FAAH2: variants seen among roughly 807,000 people sequenced by gnomAD.
FAAH2 encodes the protein fatty acid amide hydrolase 2.
FAAH2 carries 60 observed loss-of-function variants against 36.9 expected under a neutral mutation model. That is an observed-to-expected ratio of 1.63 (90% CI 1.32 to 2.02). The LOEUF is 2.02. Among genes scored for constraint, FAAH2 ranks in the 30% most tolerant of loss-of-function variants. FAAH2 has a pLI of 0.00. For missense variants in FAAH2, 689 were observed against 397.5 expected (o/e 1.73, Z -6.23); for synonymous variants, 214 against 143.8 (o/e 1.49, Z -3.49).
chrX:57,311,816 T>C (rs1001898668), intron 3 of FAAH2, among the ~76,000 whole-genome samples: 3 of 111,811 alleles, frequency 2.7e-5, no homozygotes, highest in Non-Finnish European at 5.6e-5. Flanking sequence ...CTGGAGCATA[T>C]TGGATCCCCT....
At chrX:57,187,695 C>T in the FAAH2 span, among the ~76,000 whole-genome samples, 6 of 110,942 alleles carry the variant, frequency 5.4e-5, no homozygotes, top group African/African-American at 2.0e-4. Flanking sequence ...TGATATTGGC[C>T]ATGGGTTTGT....
chrX:57,461,224 C>A (rs192320669), intron 10 of FAAH2, among the ~76,000 whole-genome samples: 242 of 111,120 alleles, frequency 2.2e-3, no homozygotes, highest in African/African-American at 7.2e-3. Context: ...TAACACCCAA[C>A]TGTCAATATT....
At chrX:57,332,774 G>A (rs893665671) in intron 4 of FAAH2, among the ~76,000 whole-genome samples, 1 of 111,839 alleles carries the variant, frequency 8.9e-6, no homozygotes, top group South Asian at 3.7e-4. Flanking sequence ...TTCTTGCACA[G>A]GGAGGGAAAA....
chrX:57,159,205 G>A, the FAAH2 span, among the ~76,000 whole-genome samples: 2 of 111,691 alleles, frequency 1.8e-5, no homozygotes, highest in Admixed American at 9.5e-5. Context: ...CTATATCTCT[G>A]TTTTGGTACC....
chrX:57,369,661 A>G (rs1042720848), intron 5 of FAAH2, among the ~76,000 whole-genome samples: 5 of 111,856 alleles, frequency 4.5e-5, no homozygotes, highest in African/African-American at 1.6e-4. Flanking sequence ...CCTGACAAAC[A>G]AAAGTTGAGG....
Position 57,433,069 on chromosome X carries a change from A to G in FAAH2, c.1116+1032A>G, listed in dbSNP as rs2056338694. On this transcript the variant is annotated intron_variant, in intron 8 of 10. Coordinates refer to ENST00000374900, the MANE Select transcript of FAAH2 (RefSeq NM_174912.4). ...CAGAACAAAACGTTTATACAAATTCACAAGGGGAGGAGGTTTGGCTCTGAG... is the reference window on the plus strand; with the variant it reads ...CAGAACAAAACGTTTATACAAATTCGCAAGGGGAGGAGGTTTGGCTCTGAG... 2.7e-5 allele frequency among the ~76,000 whole-genome samples: 3 copies of G among 111,320 alleles called. No homozygotes were observed. The South Asian group carries it at 1.1e-3, about 42-fold the overall frequency.
chrX:57,411,239 G>C (rs1334126332), intron 7 of FAAH2, among the ~76,000 whole-genome samples: 1 of 112,025 alleles, frequency 8.9e-6, no homozygotes, highest in African/African-American at 3.2e-5. Context: ...CTGGTGCTCT[G>C]ACCATCCCAT....
the FAAH2 span, among the ~76,000 whole-genome samples, chrX:57,182,375 T>C: frequency 1.8e-5 from 2 of 111,378 alleles, no homozygotes; most frequent in African/African-American, 6.5e-5. Context: ...CTTAAACAAA[T>C]TTACAAGAAA....
the FAAH2 span, among the ~76,000 whole-genome samples, chrX:57,149,014 A>T: frequency 8.9e-6 from 1 of 112,064 alleles, no homozygotes; most frequent in Non-Finnish European, 1.9e-5. Flanking sequence ...CTATTGAGAT[A>T]ATCATGTGGT....
chrX:57,388,939 CTT>C lies in FAAH2; in HGVS notation c.996+7914_996+7915del, dbSNP rs2055094240. 2.7e-5 allele frequency among the ~76,000 whole-genome samples: 3 copies of C among 109,880 alleles called. No individual in the cohort carries two copies. In the South Asian group the frequency reaches 1.2e-3, roughly 43 times the overall value. On this transcript the variant is annotated intron_variant, in intron 7 of 10. Transcript: ENST00000374900. ...CATGTCTTTTCGTGGCTTGGTAACT[CTT>C]TTTATCTCTGAATAATATTTCATTT...
the FAAH2 span, among the ~76,000 whole-genome samples, chrX:57,130,694 A>G: frequency 1.8e-5 from 2 of 112,043 alleles, no homozygotes; most frequent in Admixed American, 1.9e-4. Flanking sequence ...AGGCAAGAAG[A>G]TTTTAGGGGA....
chrX:57,143,410 C>T, the FAAH2 span, among the ~76,000 whole-genome samples: 1 of 110,510 alleles, frequency 9.0e-6, no homozygotes, highest in Non-Finnish European at 1.9e-5. Flanking sequence ...TTAACTCCAT[C>T]CCCCCTTACG....
At chrX:57,252,036 A>G in the FAAH2 span, among the ~76,000 whole-genome samples, 1 of 112,448 alleles carries the variant, frequency 8.9e-6, no homozygotes, top group Admixed American at 9.3e-5. Context: ...CAACCAACAG[A>G]CCAGGAGATT....
chrX:57,157,623 C>T, the FAAH2 span, among the ~76,000 whole-genome samples: 1 of 111,104 alleles, frequency 9.0e-6, no homozygotes, highest in African/African-American at 3.3e-5. Context: ...TGAGACTGTC[C>T]TTTCTATCCT....
At chrX:57,370,319 C>T (rs1023090330) in intron 5 of FAAH2, among the ~76,000 whole-genome samples, 1 of 111,228 alleles carries the variant, frequency 9.0e-6, no homozygotes, top group South Asian at 3.8e-4. Context: ...CTGTATGCTG[C>T]CCATGAGAGA....
intron 2 of FAAH2, among the ~76,000 whole-genome samples, chrX:57,297,395 G>T (rs1469744326): frequency 1.8e-5 from 2 of 110,674 alleles, no homozygotes; most frequent in African/African-American, 6.6e-5. Context: ...TTACAGACAA[G>T]CAAATGCTGA....
chrX:57,310,302 ATAAT>A (rs1005357869), intron 2 of FAAH2, among the ~76,000 whole-genome samples: 14 of 111,703 alleles, frequency 1.3e-4, no homozygotes, highest in Non-Finnish European at 2.1e-4. Context: ...GTAGATATCT[ATAAT>A]TATTTATTTG....
intron 2 of FAAH2, among the ~76,000 whole-genome samples, chrX:57,302,805 A>G (rs964359697): frequency 1.4e-4 from 16 of 111,033 alleles, no homozygotes; most frequent in African/African-American, 4.9e-4. Context: ...CAGCCTATGT[A>G]TCATCTGGTG....
chrX:57,290,200 T>C (rs1375977488), intron 1 of FAAH2: 2 of 545,261 alleles, frequency 3.7e-6, no homozygotes, highest in Non-Finnish European at 4.4e-6. Context: ...AACCCCTGCT[T>C]TTTTTTTTTT....
Sources: gnomAD v4.1 joint callset for allele counts (sites outside exome capture counted in the v4.1 genomes callset) on GRCh38, gnomAD v4.1.1 for gene constraint, MANE v1.5 for transcripts, NCBI Gene and HGNC (gene_info 2026-07-23, HGNC 2026-07-21) for gene names.